The following SLC43A2 variants were observed in gnomAD, a reference collection of about 807,000 sequenced individuals.
The protein encoded by SLC43A2 is solute carrier family 43 member 2.
A neutral mutation model predicts 63.2 loss-of-function variants in SLC43A2; 38 were observed. The observed-to-expected ratio is 0.60, with a 90% confidence interval of 0.46 to 0.79. The LOEUF is 0.79. Ranked by LOEUF, SLC43A2 falls within the 30% of genes least tolerant of loss-of-function variation. The probability of loss-of-function intolerance (pLI) is 0.00; values close to 1 mark genes in which losing one functional copy is unlikely to be tolerated. For synonymous variants in SLC43A2, 322 were observed against 331.0 expected (o/e 0.97, Z 0.30); for missense variants, 644 against 756.2 (o/e 0.85, Z 1.74).
chr17:1,575,400 C>A lies in SLC43A2; in HGVS notation c.*204G>T. On this transcript the variant is annotated 3_prime_UTR_variant, in exon 14 of 14. Transcript: ENST00000301335. ...CAGAGCAAAGTCAGGGCAGCCCCTG[C>A]GTTCGGCAGGAGAAAACGCGCGTGT... is the stretch of plus-strand genomic sequence containing the variant. The A allele has an allele frequency of 1.5e-6, 1 of 659,562 alleles. No homozygotes were observed. Among genetic ancestry groups the A allele is most frequent in the Non-Finnish European group, 2.5e-6 (1 of 394,364 alleles). 40.9% of individuals were successfully genotyped at this position (659,562 alleles called of 1,614,324 possible).
intron 4 of SLC43A2, 118 bp downstream of exon 4, chr17:1,614,861 C>A: frequency 9.7e-7 from 1 of 1,034,304 alleles, no homozygotes; most frequent in Non-Finnish European, 1.5e-6. Flanking sequence ...GGTGTCCCCT[C>A]TAACTTGAGC....
chr17:1,576,578 A>G lies in SLC43A2; in HGVS notation c.1548+19T>C. On this transcript the variant is annotated intron_variant, in intron 13 of 13. Coordinates refer to ENST00000301335, the MANE Select transcript of SLC43A2 (RefSeq NM_152346.3). The stretch of plus-strand genomic sequence containing the variant: ...AGGGGGCAGGCGCCCATGACCCACC[A>G]TCCCCCGACCCCTCTTACCCACAGA... 1.9e-6 allele frequency: 3 copies of G among 1,590,014 alleles called. No homozygotes were observed. The highest frequency in any genetic ancestry group is 2.6e-6 in the Non-Finnish European group (3 of 1,172,976).
Position 1,600,155 on chromosome 17 carries a change from T to A in SLC43A2, c.502-6876A>T, listed in dbSNP as rs867638833. Among the ~76,000 whole-genome samples, 492 of 97,070 alleles carry A rather than the reference T, an allele frequency of 5.1e-3. 1 individual carries two copies. The highest frequency in any genetic ancestry group is 0.017 in the African/African-American group (418 of 24,984). The allele number at this position is 97,070 out of a possible 152,430, so 63.7% of individuals were successfully genotyped here. ...AATTGAATATATATATATATATATT[T>A]TTTTTTTTTTTTTGAGACGGAGTCT... On this transcript the variant is annotated intron_variant, in intron 5 of 13. Coordinates refer to ENST00000301335, the MANE Select transcript of SLC43A2 (RefSeq NM_152346.3).
upstream of SLC43A2, among the ~76,000 whole-genome samples, chr17:1,629,791 G>A (rs1909011440): frequency 6.6e-6 from 1 of 152,216 alleles, no homozygotes; most frequent in Non-Finnish European, 1.5e-5. Flanking sequence ...GGGAGGGTTC[G>A]AGGGGGCTCC....
chr17:1,581,940 G>A (rs1189359262), intron 11 of SLC43A2, among the ~76,000 whole-genome samples: 3 of 151,638 alleles, frequency 2.0e-5, no homozygotes, highest in Non-Finnish European at 4.4e-5. Flanking sequence ...CTGAGTAGCT[G>A]GGATTACAGG....
intron 2 of SLC43A2, among the ~76,000 whole-genome samples, chr17:1,616,978 G>A (rs1444009451): frequency 6.6e-6 from 1 of 152,224 alleles, no homozygotes; most frequent in Non-Finnish European, 1.5e-5. Flanking sequence ...CTTAACTTTT[G>A]TGGGGGCCAT....
chr17:1,614,240 C>A (rs1009287315), intron 4 of SLC43A2, among the ~76,000 whole-genome samples: 7 of 151,902 alleles, frequency 4.6e-5, no homozygotes, highest in African/African-American at 1.7e-4. Context: ...GAGACTCTGT[C>A]TCAACAACAA....
chr17:1,619,792 C>T (rs1907987771), intron 2 of SLC43A2, among the ~76,000 whole-genome samples: 1 of 152,218 alleles, frequency 6.6e-6, no homozygotes, highest in East Asian at 1.9e-4. Flanking sequence ...AGGAGCAAAC[C>T]AGCACAGAGG....
Position 1,583,749 on chromosome 17 carries a change from G to A in SLC43A2, c.1218-413C>T. ...ACAAGCCAAATAGGGGAGTGAATGG[G>A]TTTCCCCTTGTGGGGACAGGAGAGG... On this transcript the variant is annotated intron_variant, in intron 10 of 13. Transcript: ENST00000301335. The surrounding 1 kb of genome is among the most constrained non-coding windows in gnomAD (Gnocchi z 5.5). 5.3e-6 allele frequency: 1 copy of A among 188,818 alleles called. No homozygotes were observed. Among genetic ancestry groups the A allele is most frequent in the South Asian group, 1.1e-4 (1 of 9,014 alleles). 11.7% of individuals were successfully genotyped at this position (188,818 alleles called of 1,614,324 possible). A position where few individuals can be genotyped will look rare whatever the true frequency, so the allele number is the denominator to read the frequency against.
At position 1,605,138 on chromosome 17, in the gene SLC43A2, C is replaced by A. The variant is rs1016062896; in HGVS notation, c.501+8057G>T. On this transcript the variant is annotated intron_variant, in intron 5 of 13. Transcript: ENST00000301335. This position sits in a 1 kb window ranked among gnomAD's most constrained non-coding sequence, Gnocchi z 4.9. ...CAGGTGCTTCCCACAGCCCCCTCGC[C>A]GCCTCTGCCTCCGTGCGGGTCAACC... The A allele has an allele frequency of 1.6e-6, 2 of 1,278,968 alleles. No homozygotes were observed. Among genetic ancestry groups the A allele is most frequent in the Non-Finnish European group, 2.0e-6 (2 of 1,004,382 alleles). The allele number at this position is 1,278,968 out of a possible 1,614,324, so 79.2% of individuals were successfully genotyped here. A position where few individuals can be genotyped will look rare whatever the true frequency, so the allele number is the denominator to read the frequency against.
At chr17:1,598,647 T>C (rs1905562955) in intron 5 of SLC43A2, among the ~76,000 whole-genome samples, 1 of 152,176 alleles carries the variant, frequency 6.6e-6, no homozygotes, top group African/African-American at 2.4e-5. Context: ...ACCTTTTTAA[T>C]CTCAAGCCTG....
At chr17:1,594,314 T>C (rs1339041027) in intron 5 of SLC43A2, among the ~76,000 whole-genome samples, 1 of 152,150 alleles carries the variant, frequency 6.6e-6, no homozygotes, top group Non-Finnish European at 1.5e-5. Context: ...GAACAGGACT[T>C]CAAGGCTAAC....
chr17:1,586,799 G>A (rs918923576), intron 9 of SLC43A2: 11 of 725,802 alleles, frequency 1.5e-5, no homozygotes, highest in African/African-American at 3.6e-5. Flanking sequence ...GGAAGCAGAC[G>A]AGGAATGTTG....
rs2075966640 is a variant in SLC43A2, at chr17:1,578,503, G to A, written c.1351-180C>T. The A allele has an allele frequency of 1.8e-6, 1 of 543,004 alleles. No individual in the cohort carries two copies. The highest frequency in any genetic ancestry group is 3.2e-5 in the Admixed American group (1 of 31,368). The allele number at this position is 543,004 out of a possible 1,614,324, so 33.6% of individuals were successfully genotyped here. A position where few individuals can be genotyped will look rare whatever the true frequency, so the allele number is the denominator to read the frequency against. On this transcript the variant is annotated intron_variant, in intron 11 of 13. Transcript: ENST00000301335. The surrounding 1 kb of genome is among the most constrained non-coding windows in gnomAD (Gnocchi z 6.5). Reference sequence around the variant, plus strand: ...ATTTTGCAAGCCAGTCGTTAACACAGTCATTTTTTGTTTGTTTGTTTGTTT... The same window carrying A: ...ATTTTGCAAGCCAGTCGTTAACACAATCATTTTTTGTTTGTTTGTTTGTTT...
chr17:1,600,763 G>A (rs1192988190), intron 5 of SLC43A2, among the ~76,000 whole-genome samples: 1 of 151,528 alleles, frequency 6.6e-6, no homozygotes, highest in African/African-American at 2.4e-5. Context: ...TCACCATGTT[G>A]GTCAGGCTGG....
At chr17:1,608,733 G>A (rs1452844200) in intron 5 of SLC43A2, among the ~76,000 whole-genome samples, 1 of 152,116 alleles carries the variant, frequency 6.6e-6, no homozygotes, top group Non-Finnish European at 1.5e-5. Context: ...CCTGCCAGAG[G>A]CCAGTGAAAG....
At chr17:1,589,012 C>A (rs1337916878) in intron 9 of SLC43A2, among the ~76,000 whole-genome samples, 1 of 152,248 alleles carries the variant, frequency 6.6e-6, no homozygotes, top group Non-Finnish European at 1.5e-5. Context: ...CCGGACCCTG[C>A]AGCTGCCTCT....
At position 1,591,462 on chromosome 17, in the gene SLC43A2, G is replaced by C. The variant is rs770029632; in HGVS notation, c.738C>G (p.Ile246Met). 6.2e-7 allele frequency: 1 copy of C among 1,613,136 alleles called. No homozygotes were observed. Among genetic ancestry groups the C allele is most frequent in the South Asian group, 1.1e-5 (1 of 91,078 alleles). The change falls in exon 8 of 14, where the codon ATC becomes ATG. Residue 246 changes from isoleucine (I) to methionine (M), a missense_variant. Ile to Met is a conservative substitution (Grantham distance 10). This residue lies in a region of SLC43A2 where 528 missense variants were observed against 623.6 expected (regional missense o/e 0.85). Coordinates refer to ENST00000301335, the MANE Select transcript of SLC43A2 (RefSeq NM_152346.3). The stretch of plus-strand genomic sequence containing the variant: ...GGTCAAAGCCCAGCCAGCTGAACTT[G>C]ATCTTCACCCTGGGGCCCCGGGAGA... ...GPEDMDYSVK[I>M]KFSWLGFDHK...
chr17:1,627,920 C>A lies in SLC43A2; in HGVS notation c.-46G>T. On this transcript the variant is annotated splice_region_variant and 5_prime_UTR_variant, in exon 2 of 14. Coordinates refer to ENST00000301335, the MANE Select transcript of SLC43A2 (RefSeq NM_152346.3). ...CGGCTCCGGCTCCGGCTCTGCACCA[C>A]CTGCGCACAGAACTCGGCGTCAGCG... The A allele has an allele frequency of 6.8e-7, 1 of 1,475,670 alleles. No individual in the cohort carries two copies. Among genetic ancestry groups the A allele is most frequent in the Non-Finnish European group, 9.0e-7 (1 of 1,116,112 alleles). The allele number at this position is 1,475,670 out of a possible 1,614,324, so 91.4% of individuals were successfully genotyped here.
Sources: gnomAD v4.1 joint callset for allele counts (sites outside exome capture counted in the v4.1 genomes callset) on GRCh38, gnomAD v4.1.1 for gene constraint, gnomAD v4.1.1 regional missense constraint, Gnocchi (gnomAD v3.1) non-coding constraint, MANE v1.5 for transcripts, NCBI Gene and HGNC (gene_info 2026-07-23, HGNC 2026-07-21) for gene names.